Variants in RANBP2 observed in about 807,000 individuals in gnomAD.
The protein encoded by RANBP2 is E3 SUMO-protein ligase RanBP2.
Under a neutral mutation model 303.6 loss-of-function variants are expected in RANBP2, and 57 were observed. The observed-to-expected ratio is 0.19, with a 90% CI of 0.15 to 0.23. The LOEUF (loss-of-function observed/expected upper bound fraction) is 0.23. Ranked by LOEUF, RANBP2 falls within the 10% of genes least tolerant of loss-of-function variation. The pLI is 1.00. For synonymous variants in RANBP2, 1,167 were observed against 1,301.5 expected (o/e 0.90, Z 2.23); for missense variants, 3,138 against 3,780.8 (o/e 0.83, Z 4.46).
chr2:108,844,087 C>T, the RANBP2 span, among the ~76,000 whole-genome samples: 1 of 151,568 alleles, frequency 6.6e-6, no homozygotes, highest in Non-Finnish European at 1.5e-5. Context: ...GTCTTGAACT[C>T]CCAGGCTCAA....
At chr2:108,749,523 C>G (rs1675680506) in intron 9 of RANBP2, among the ~76,000 whole-genome samples, 2 of 151,966 alleles carry the variant, frequency 1.3e-5, no homozygotes, top group African/African-American at 4.8e-5. Flanking sequence ...GTCTCAAACT[C>G]CTGACCTCAG....
chr2:109,428,131 A>G, the RANBP2 span, among the ~76,000 whole-genome samples: 1 of 152,204 alleles, frequency 6.6e-6, no homozygotes, highest in Non-Finnish European at 1.5e-5. Flanking sequence ...AGGAGGAAGC[A>G]CACGCCTCCC....
At chr2:109,074,133 G>T in the RANBP2 span, among the ~76,000 whole-genome samples, 1 of 150,702 alleles carries the variant, frequency 6.6e-6, no homozygotes, top group Non-Finnish European at 1.5e-5. Flanking sequence ...TAGGAAGGCC[G>T]AGACGAGCAG....
At chr2:109,291,475 C>G in the RANBP2 span, among the ~76,000 whole-genome samples, 1 of 152,160 alleles carries the variant, frequency 6.6e-6, no homozygotes, top group Non-Finnish European at 1.5e-5. Flanking sequence ...GAGGACCGGG[C>G]TCAGGGCCAG....
the RANBP2 span, among the ~76,000 whole-genome samples, chr2:109,142,045 G>GGC: frequency 6.8e-6 from 1 of 147,582 alleles, no homozygotes; most frequent in Non-Finnish European, 1.5e-5. Context: ...GAGTCTCCTG[G>GGC]GGGGGGGGTC....
chr2:109,673,541 A>C, the RANBP2 span, among the ~76,000 whole-genome samples: 2 of 152,114 alleles, frequency 1.3e-5, no homozygotes, highest in African/African-American at 4.8e-5. Context: ...GGGCATCAGA[A>C]ATTAGTAGGG....
chr2:108,732,203 T>A (rs1695220634), intron 4 of RANBP2, among the ~76,000 whole-genome samples: 2 of 152,310 alleles, frequency 1.3e-5, no homozygotes, highest in Middle Eastern at 3.4e-3. Flanking sequence ...ATTTAAAAAA[T>A]TTTAATTTTG....
the RANBP2 span, among the ~76,000 whole-genome samples, chr2:108,951,776 G>A: frequency 1.4e-4 from 21 of 152,140 alleles, no homozygotes; most frequent in East Asian, 2.1e-3. Flanking sequence ...TGCAGTGAAA[G>A]CTCTTGGCAA....
the RANBP2 span, among the ~76,000 whole-genome samples, chr2:109,403,338 A>G: frequency 1.3e-5 from 2 of 152,142 alleles, no homozygotes; most frequent in Non-Finnish European, 2.9e-5. Context: ...CCTGGCTTGC[A>G]TCACTTCTCA....
At chr2:109,415,996 G>A in the RANBP2 span, among the ~76,000 whole-genome samples, 1 of 152,288 alleles carries the variant, frequency 6.6e-6, no homozygotes, top group South Asian at 2.1e-4. Context: ...ACCTGAGCCA[G>A]CATGCTCAGC....
At chr2:109,178,994 A>G in the RANBP2 span, among the ~76,000 whole-genome samples, 2 of 79,882 alleles carry the variant, frequency 2.5e-5, no homozygotes, top group African/African-American at 7.6e-5. Flanking sequence ...TTTCTTATAA[A>G]GTATAATAAT....
the RANBP2 span, chr2:109,552,519 CTCAG>C: frequency 1.3e-5 from 2 of 152,242 alleles, no homozygotes; most frequent in East Asian, 1.9e-4. Context: ...TCTCTTTGGT[CTCAG>C]TCAAAGGAGT....
At chr2:109,635,930 GA>G in the RANBP2 span, among the ~76,000 whole-genome samples, 1 of 152,194 alleles carries the variant, frequency 6.6e-6, no homozygotes. Flanking sequence ...TTCTTATGTT[GA>G]AATCTTCACC....
At chr2:109,619,536 G>A in the RANBP2 span, among the ~76,000 whole-genome samples, 1 of 152,138 alleles carries the variant, frequency 6.6e-6, no homozygotes, top group African/African-American at 2.4e-5. Flanking sequence ...AAGGGATGTG[G>A]TACTCCTTTG....
At chr2:109,113,027 G>A in the RANBP2 span, among the ~76,000 whole-genome samples, 1 of 152,144 alleles carries the variant, frequency 6.6e-6, no homozygotes, top group Non-Finnish European at 1.5e-5. Context: ...TGCTGTTTTG[G>A]TTACTGTAGC....
At chr2:109,326,052 T>G in the RANBP2 span, among the ~76,000 whole-genome samples, 1 of 152,270 alleles carries the variant, frequency 6.6e-6, no homozygotes, top group Non-Finnish European at 1.5e-5. Context: ...CTAGAGGCCC[T>G]CCAGGGGTAT....
At chr2:109,241,744 C>A in the RANBP2 span, among the ~76,000 whole-genome samples, 1 of 151,744 alleles carries the variant, frequency 6.6e-6, no homozygotes, top group African/African-American at 2.4e-5. Context: ...TCCCACCCTG[C>A]GTGTTTCCCT....
the RANBP2 span, among the ~76,000 whole-genome samples, chr2:109,123,797 C>T: frequency 2.0e-5 from 3 of 152,160 alleles, no homozygotes; most frequent in Non-Finnish European, 4.4e-5. Flanking sequence ...CCCATGGCTG[C>T]ACCTGTTTTG....
At chr2:109,247,641 A>G in the RANBP2 span, among the ~76,000 whole-genome samples, 1 of 152,186 alleles carries the variant, frequency 6.6e-6, no homozygotes, top group Non-Finnish European at 1.5e-5. Flanking sequence ...CAGTTGACGG[A>G]CTGGCTGCGT....
Sources: gnomAD v4.1 joint callset for allele counts (sites outside exome capture counted in the v4.1 genomes callset) on GRCh38, gnomAD v4.1.1 for gene constraint, MANE v1.5 for transcripts, NCBI Gene and HGNC (gene_info 2026-07-23, HGNC 2026-07-21) for gene names.